MARK1: variants seen among roughly 807,000 people sequenced by gnomAD.
MARK1 encodes serine/threonine-protein kinase MARK1.
In MARK1, 40 loss-of-function variants were observed where a neutral mutation model predicts 96.3. The observed-to-expected ratio is 0.42, with a 90% CI of 0.32 to 0.54. MARK1 has a LOEUF of 0.54. Ranked by LOEUF, MARK1 falls within the 20% of genes least tolerant of loss-of-function variation. MARK1 has a pLI of 0.16. For synonymous variants in MARK1, 317 were observed against 341.2 expected (o/e 0.93, Z 0.78); for missense variants, 719 against 984.6 (o/e 0.73, Z 3.61).
intron 6 of MARK1, among the ~76,000 whole-genome samples, chr1:220,612,382 GTC>G (rs1244876150): frequency 6.6e-6 from 1 of 152,122 alleles, no homozygotes; most frequent in Non-Finnish European, 1.5e-5. Context: ...TTTAAATAAA[GTC>G]TGTAATATTT....
chr1:220,540,527 C>T (rs906776265), intron 1 of MARK1, among the ~76,000 whole-genome samples: 1 of 152,156 alleles, frequency 6.6e-6, no homozygotes, highest in Non-Finnish European at 1.5e-5. Context: ...TCTGAGCATT[C>T]CTCAGCCCAG....
Position 220,632,327 on chromosome 1 carries a change from C to A in MARK1, c.1122+14C>A, listed in dbSNP as rs764460850. 5.9e-6 allele frequency: 7 copies of A among 1,179,520 alleles called. No individual in the cohort carries two copies. Among genetic ancestry groups the A allele is most frequent in the Non-Finnish European group, 7.3e-6 (6 of 826,346 alleles). The allele number at this position is 1,179,520 out of a possible 1,614,324, so 73.1% of individuals were successfully genotyped here. A position where few individuals can be genotyped will look rare whatever the true frequency, so the allele number is the denominator to read the frequency against. ...AAACCACCTGAAGTAAGTTTTTCAC[C>A]TTTTCAGATTACTGTGAATTATTTC... is the stretch of plus-strand genomic sequence containing the variant. On this transcript the variant is annotated intron_variant, in intron 11 of 17. Coordinates refer to ENST00000366917, the MANE Select transcript of MARK1 (RefSeq NM_018650.5).
At position 220,654,259 on chromosome 1, in the gene MARK1, T is replaced by G. The variant is rs1303395361; in HGVS notation, c.1988+907T>G. Among the ~76,000 whole-genome samples the G allele has an allele frequency of 6.6e-6, 1 of 152,180 alleles. No homozygotes were observed. Among genetic ancestry groups the G allele is most frequent in the Non-Finnish European group, 1.5e-5 (1 of 68,030 alleles). On this transcript the variant is annotated intron_variant, in intron 16 of 17. Coordinates refer to ENST00000366917, the MANE Select transcript of MARK1 (RefSeq NM_018650.5). The surrounding 1 kb of genome is among the most constrained non-coding windows in gnomAD (Gnocchi z 4.0). ...TGAAGGCACCCTATCATATAATCAT[T>G]TCAGCTGAGCCTTCAATGATGGGTA...
At chr1:220,637,101 G>C (rs149731390) in intron 13 of MARK1, among the ~76,000 whole-genome samples, 1 of 152,228 alleles carries the variant, frequency 6.6e-6, no homozygotes, top group East Asian at 1.9e-4. Context: ...TGTCTCAACT[G>C]TTTTACTACA....
intron 3 of MARK1, among the ~76,000 whole-genome samples, chr1:220,588,046 C>T (rs188110010): frequency 9.8e-5 from 15 of 152,306 alleles, no homozygotes; most frequent in Non-Finnish European, 1.9e-4. Flanking sequence ...TTCTTGCCAA[C>T]ACTTTATATT....
At position 220,558,940 on chromosome 1, in the gene MARK1, T is replaced by C. The variant is rs12048811; in HGVS notation, c.52-20414T>C. Among the ~76,000 whole-genome samples, 243 of 152,162 alleles carry C rather than the reference T, an allele frequency of 1.6e-3. 5 individuals carry two copies. In the East Asian group the frequency reaches 0.045, roughly 28 times the overall value. Reference sequence around the variant, plus strand: ...AAATTTATTACCCTACATACACATATTAGAAAATAAGGAATTGAAAATTAA... The same window carrying C: ...AAATTTATTACCCTACATACACATACTAGAAAATAAGGAATTGAAAATTAA... On this transcript the variant is annotated intron_variant, in intron 1 of 17. Transcript: ENST00000366917.
intron 2 of MARK1, 49 bp downstream of exon 2, chr1:220,579,606 C>A: frequency 6.9e-7 from 1 of 1,448,430 alleles, no homozygotes; most frequent in Non-Finnish European, 9.7e-7. Context: ...TCTCTGGAGT[C>A]TTGTTAAAGC....
At chr1:220,628,710 C>A (rs920210595) in intron 9 of MARK1, among the ~76,000 whole-genome samples, 4 of 152,266 alleles carry the variant, frequency 2.6e-5, no homozygotes, top group Admixed American at 2.6e-4. Context: ...TTTTGTACAG[C>A]ATCCTCTGTA....
At chr1:220,626,497 G>T in intron 9 of MARK1, 1 of 531,226 alleles carries the variant, frequency 1.9e-6, no homozygotes. Flanking sequence ...CTCCTTATCT[G>T]GGGACTGGTT....
At chr1:220,570,298 G>A (rs1338550796) in intron 1 of MARK1, among the ~76,000 whole-genome samples, 1 of 152,054 alleles carries the variant, frequency 6.6e-6, no homozygotes, top group Non-Finnish European at 1.5e-5. Context: ...AGAATGTAAT[G>A]ATTATTAAGG....
chr1:220,528,750 T>C lies in MARK1; in HGVS notation c.-73T>C. On this transcript the variant is annotated 5_prime_UTR_variant, in exon 1 of 18. Coordinates refer to ENST00000366917, the MANE Select transcript of MARK1 (RefSeq NM_018650.5). ...CCTTGTGCTCGCGTCCGCACCCCTT[T>C]CCTGTCGCCCCCCGGGGCCCGCACC... 1 of 1,447,612 alleles carries C rather than the reference T, an allele frequency of 6.9e-7. No homozygotes were observed. Among genetic ancestry groups the C allele is most frequent in the Non-Finnish European group, 9.4e-7 (1 of 1,066,294 alleles). 89.7% of individuals were successfully genotyped at this position (1,447,612 alleles called of 1,614,324 possible).
Position 220,604,031 on chromosome 1 carries a change from G to GT in MARK1, c.425-35dup, listed in dbSNP as rs765230564. The GT allele has an allele frequency of 1.2e-5, 16 of 1,347,668 alleles. No individual in the cohort carries two copies. The African/African-American group carries it at 1.8e-4, about 15-fold the overall frequency. 83.5% of individuals were successfully genotyped at this position (1,347,668 alleles called of 1,614,324 possible). On this transcript the variant is annotated intron_variant, in intron 5 of 17. Transcript: ENST00000366917. ...CATATATTGTTAACCAAAAATCTAT[G>GT]TATATTTTACTACCTGCTTTACCTT...
intron 1 of MARK1, among the ~76,000 whole-genome samples, chr1:220,573,234 A>C (rs1398391393): frequency 6.6e-6 from 1 of 151,142 alleles, no homozygotes; most frequent in Non-Finnish European, 1.5e-5. Context: ...TTTCTACCCT[A>C]TTTTCTTTTA....
chr1:220,628,645 TCTATTCATTCTTACA>T (rs778075881), intron 9 of MARK1, among the ~76,000 whole-genome samples: 10 of 152,192 alleles, frequency 6.6e-5, no homozygotes, highest in African/African-American at 1.7e-4. Flanking sequence ...TGAGCCCTCT[TCTATTCATTCTTACA>T]CTATTCATTC....
rs565853487 is a variant in MARK1, at chr1:220,579,425, C to T, written c.123C>T (p.Pro41=). 62 of 1,614,014 alleles carry T rather than the reference C, an allele frequency of 3.8e-5. 1 individual carries two copies. The highest frequency in any genetic ancestry group is 5.2e-5 in the Non-Finnish European group (61 of 1,179,956). Residue 41 remains proline, a synonymous_variant, in exon 2 of 18, where the codon CCC becomes CCT. Transcript: ENST00000366917. ...AGTCGAGTAGCAGACAGAACATCCC[C>T]CGGTGTAGAAACTCCATTACGTCAG... is the stretch of plus-strand genomic sequence containing the variant. The part of the protein sequence containing the change: ...PTKSSSRQNI[P]RCRNSITSAT...
At chr1:220,551,590 T>A (rs1273677465) in intron 1 of MARK1, among the ~76,000 whole-genome samples, 1 of 152,206 alleles carries the variant, frequency 6.6e-6, no homozygotes, top group Non-Finnish European at 1.5e-5. Context: ...TGATGCTCAT[T>A]TCTCTTCTCA....
chr1:220,624,191 G>A (rs1033034559), intron 9 of MARK1, among the ~76,000 whole-genome samples: 17 of 151,482 alleles, frequency 1.1e-4, no homozygotes, highest in Non-Finnish European at 5.9e-5. Context: ...CCAGCTACTC[G>A]GGAGGCTGAG....
In MARK1 at chr1:220,653,143, T is replaced by C. The variant is rs373308640; in HGVS notation, c.1779T>C (p.Ser593=). ...CTGCTGCTTCCCCATCTGCTCACAG[T>C]ATTAGTACTGCGACTCCAGACCGGA... ...RVPAASPSAH[S]ISTATPDRTR... is the part of the protein sequence containing the mutation. Residue 593 remains serine (S), a synonymous_variant, in exon 16 of 18, where the codon AGT becomes AGC. Transcript: ENST00000366917. The C allele has an allele frequency of 1.9e-6, 3 of 1,614,084 alleles. No homozygotes were observed. Among genetic ancestry groups the C allele is most frequent in the Non-Finnish European group, 2.5e-6 (3 of 1,180,030 alleles).
At chr1:220,554,777 G>A (rs1425561321) in intron 1 of MARK1, among the ~76,000 whole-genome samples, 1 of 152,204 alleles carries the variant, frequency 6.6e-6, no homozygotes, top group Non-Finnish European at 1.5e-5. Context: ...TAACTTAACT[G>A]TCATTTTACA....
Sources: gnomAD v4.1 joint callset for allele counts (sites outside exome capture counted in the v4.1 genomes callset) on GRCh38, gnomAD v4.1.1 for gene constraint, Gnocchi (gnomAD v3.1) non-coding constraint, MANE v1.5 for transcripts, NCBI Gene and HGNC (gene_info 2026-07-23, HGNC 2026-07-21) for gene names.